FAM135A: variants seen among roughly 807,000 people sequenced by gnomAD.
FAM135A encodes the protein protein FAM135A.
In FAM135A, 79 loss-of-function variants were observed where a neutral mutation model predicts 146.8. The observed-to-expected ratio is 0.54, with a 90% CI of 0.45 to 0.65. FAM135A has a LOEUF of 0.65. Among genes scored for constraint, FAM135A ranks in the 30% least tolerant of loss-of-function variants. The probability of loss-of-function intolerance (pLI) is 0.00; values close to 1 mark genes in which losing one functional copy is unlikely to be tolerated. For missense variants in FAM135A, 1,623 were observed against 1,758.2 expected, an observed-to-expected ratio of 0.92 and a Z score of 1.38; for synonymous variants, 562 against 603.6, an observed-to-expected ratio of 0.93 and a Z score of 1.01.
chr6:70,414,421 T>C (rs963445901), intron 1 of FAM135A, among the ~76,000 whole-genome samples: 6 of 152,156 alleles, frequency 3.9e-5, no homozygotes, highest in Admixed American at 6.5e-5. Flanking sequence ...CTTCATCGCT[T>C]TCTGTCTAAT....
Position 70,520,988 on chromosome 6 carries a change from C to T in FAM135A, c.1030-1525C>T, listed in dbSNP as rs545950624. Reference sequence around the variant, plus strand: ...GTTTCTCAAATCTTCGTTTGAATCACAGGTTTATCGCCTACTAGCTATGTT... The same window carrying T: ...GTTTCTCAAATCTTCGTTTGAATCATAGGTTTATCGCCTACTAGCTATGTT... On this transcript the variant is annotated intron_variant, in intron 12 of 21. Coordinates refer to ENST00000418814, the MANE Select transcript of FAM135A (RefSeq NM_001162529.3). Among the ~76,000 whole-genome samples, 18 of 152,330 alleles carry T rather than the reference C, an allele frequency of 1.2e-4. No individual in the cohort carries two copies. In the South Asian group the frequency reaches 1.9e-3, roughly 16 times the overall value.
At chr6:70,452,151 T>G (rs1446023768) in intron 4 of FAM135A, among the ~76,000 whole-genome samples, 1 of 152,080 alleles carries the variant, frequency 6.6e-6, no homozygotes, top group East Asian at 1.9e-4. Flanking sequence ...ATTATCTTTT[T>G]ATTTTATAAA....
intron 4 of FAM135A, among the ~76,000 whole-genome samples, chr6:70,446,509 A>G (rs566120517): frequency 2.0e-5 from 3 of 152,330 alleles, no homozygotes; most frequent in African/African-American, 4.8e-5. Flanking sequence ...CTGTTCTGCA[A>G]TGCAATCTTT....
rs374673238 is a variant in FAM135A at position 70,526,377 on chromosome 6, G to T, written c.3293G>T (p.Gly1098Val). ...CAGGATCAACAAATGGTTCAAAATG[G>T]GTACTATGAAGAAACAGATTATTCA... ...EEQDQQMVQN[G>V]YYEETDYSAL... is the part of the protein sequence containing the mutation. The change falls in exon 15 of 22, where the codon GGG becomes GTG. Residue 1098 changes from glycine to valine, a missense_variant. Physicochemically the swap from Gly to Val is moderately radical, Grantham distance 109. Coordinates refer to ENST00000418814, the MANE Select transcript of FAM135A (RefSeq NM_001162529.3). The T allele has an allele frequency of 1.2e-6, 2 of 1,613,416 alleles. No homozygotes were observed. The highest frequency in any genetic ancestry group is 1.7e-6 in the Non-Finnish European group (2 of 1,179,620).
intron 20 of FAM135A, among the ~76,000 whole-genome samples, chr6:70,540,010 C>T (rs1309020231): frequency 1.3e-5 from 2 of 152,092 alleles, no homozygotes; most frequent in Admixed American, 6.6e-5. Flanking sequence ...AAAAGAAAGA[C>T]ATTGACAAAT....
chr6:70,417,179 C>T (rs1767745171), intron 2 of FAM135A, among the ~76,000 whole-genome samples: 2 of 151,794 alleles, frequency 1.3e-5, no homozygotes, highest in South Asian at 4.2e-4. Flanking sequence ...CCTTTTATGG[C>T]ATTAGGTCTC....
chr6:70,522,787 A>T (rs1793899986), intron 13 of FAM135A, among the ~76,000 whole-genome samples: 1 of 152,166 alleles, frequency 6.6e-6, no homozygotes, highest in Non-Finnish European at 1.5e-5. Flanking sequence ...ACATATAAAG[A>T]AGCATAATGC....
At chr6:70,511,992 G>T (rs973475148) in intron 12 of FAM135A, among the ~76,000 whole-genome samples, 1 of 151,962 alleles carries the variant, frequency 6.6e-6, no homozygotes, top group East Asian at 1.9e-4. Context: ...TGTCTTAAAC[G>T]TCATTATGTG....
In FAM135A at chr6:70,559,114, T is replaced by C. The variant is rs572095740; in HGVS notation, c.4343-602T>C. On this transcript the variant is annotated intron_variant, in intron 21 of 21. Transcript: ENST00000418814. ...AGTGACTTAACATTAAAGAAAACTA[T>C]TTCTTTGTTATAGGCATTGCTTTGA... Among the ~76,000 whole-genome samples the C allele has an allele frequency of 5.7e-4, 87 of 152,210 alleles. 1 individual carries two copies. Among genetic ancestry groups the C allele is most frequent in the Non-Finnish European group, 1.1e-3 (77 of 68,042 alleles).
intron 2 of FAM135A, among the ~76,000 whole-genome samples, chr6:70,415,990 G>A (rs954196255): frequency 2.6e-5 from 4 of 152,122 alleles, no homozygotes; most frequent in Non-Finnish European, 5.9e-5. Context: ...AGACTGTGTA[G>A]TAAGAGTATA....
chr6:70,555,732 G>A (rs1236450605), intron 20 of FAM135A, among the ~76,000 whole-genome samples: 1 of 151,942 alleles, frequency 6.6e-6, no homozygotes, highest in African/African-American at 2.4e-5. Flanking sequence ...GAATGAAGGG[G>A]GGGGAGTCAT....
At chr6:70,450,309 A>G (rs1207735595) in intron 4 of FAM135A, among the ~76,000 whole-genome samples, 4 of 151,920 alleles carry the variant, frequency 2.6e-5, no homozygotes, top group African/African-American at 7.3e-5. Flanking sequence ...TTTGTTGCCT[A>G]TGTTTTTGGG....
At chr6:70,482,422 A>C (rs1487493163) in intron 10 of FAM135A, among the ~76,000 whole-genome samples, 1 of 152,126 alleles carries the variant, frequency 6.6e-6, no homozygotes, top group Non-Finnish European at 1.5e-5. Flanking sequence ...TTCCTCTTAA[A>C]ATATAACCCA....
intron 2 of FAM135A, among the ~76,000 whole-genome samples, chr6:70,423,412 G>GA (rs1769311030): frequency 1.3e-5 from 2 of 152,180 alleles, no homozygotes; most frequent in Non-Finnish European, 2.9e-5. Context: ...TACGAGACAT[G>GA]AAAGTCTGAG....
At chr6:70,520,291 T>C (rs1427255253) in intron 12 of FAM135A, among the ~76,000 whole-genome samples, 1 of 151,788 alleles carries the variant, frequency 6.6e-6, no homozygotes, top group Non-Finnish European at 1.5e-5. Context: ...AATTTTGCTA[T>C]GAGTTAGTGC....
At chr6:70,479,519 C>A (rs1783296374) in intron 8 of FAM135A, among the ~76,000 whole-genome samples, 1 of 152,100 alleles carries the variant, frequency 6.6e-6, no homozygotes, top group Non-Finnish European at 1.5e-5. Flanking sequence ...GTAAAAGCAG[C>A]AGCATCTTTA....
At chr6:70,529,529 A>C (rs947727166) in intron 16 of FAM135A, among the ~76,000 whole-genome samples, 1 of 151,930 alleles carries the variant, frequency 6.6e-6, no homozygotes, top group Admixed American at 6.6e-5. Context: ...GTCTTCAAAG[A>C]ATTATCCCCC....
intron 12 of FAM135A, chr6:70,504,855 C>G (rs1247645294): frequency 6.6e-6 from 1 of 151,926 alleles, no homozygotes; most frequent in Non-Finnish European, 1.5e-5. Flanking sequence ...TACCTGTAAT[C>G]CCAGCTACTT....
At chr6:70,451,947 G>A (rs1311552485) in intron 4 of FAM135A, among the ~76,000 whole-genome samples, 2 of 149,972 alleles carry the variant, frequency 1.3e-5, no homozygotes, top group Non-Finnish European at 3.0e-5. Context: ...ATATTTGGTG[G>A]ATTTTTAAAT....
Sources: gnomAD v4.1 joint callset for allele counts (sites outside exome capture counted in the v4.1 genomes callset) on GRCh38, gnomAD v4.1.1 for gene constraint, MANE v1.5 for transcripts, NCBI Gene and HGNC (gene_info 2026-07-23, HGNC 2026-07-21) for gene names.